The following ATP2C1 variants were observed in gnomAD, a reference collection of about 807,000 sequenced individuals.
ATP2C1 encodes calcium-transporting ATPase type 2C member 1.
ATP2C1 carries 31 observed loss-of-function variants against 120.5 expected under a neutral mutation model. The ratio of observed to expected loss-of-function variants is 0.26; its 90% CI spans 0.19 to 0.35. The LOEUF is 0.35. Among genes scored for constraint, ATP2C1 ranks in the 10% least tolerant of loss-of-function variants. ATP2C1 has a pLI of 1.00. For missense variants in ATP2C1, 731 were observed against 1,107.5 expected, an observed-to-expected ratio of 0.66 and a Z score of 4.83; for synonymous variants, 351 against 358.7, an observed-to-expected ratio of 0.98 and a Z score of 0.24.
chr3:130,930,273 A>T (rs577704013), intron 2 of ATP2C1, 143 bp from the exon 3 acceptor site: 4 of 693,124 alleles, frequency 5.8e-6, no homozygotes, highest in Admixed American at 2.0e-5. Flanking sequence ...TGTCTTTCCT[A>T]TTAGGACTAG....
At chr3:130,947,830 A>C (rs2060215094) in intron 8 of ATP2C1, among the ~76,000 whole-genome samples, 1 of 151,688 alleles carries the variant, frequency 6.6e-6, no homozygotes, top group African/African-American at 2.4e-5. Flanking sequence ...ATTCCCTCAA[A>C]TTATTTTCTG....
At chr3:130,920,588 TAATATA>T (rs1047592073) in intron 2 of ATP2C1, among the ~76,000 whole-genome samples, 2 of 152,194 alleles carry the variant, frequency 1.3e-5, no homozygotes, top group African/African-American at 4.8e-5. Context: ...TTTGTAATAT[TAATATA>T]TTTTGAAATC....
chr3:130,894,733 T>G lies in ATP2C1; in HGVS notation c.-37T>G, dbSNP rs1459172629. 1 of 1,614,116 alleles carries G rather than the reference T, an allele frequency of 6.2e-7. No individual in the cohort carries two copies. Among genetic ancestry groups the G allele is most frequent in the South Asian group, 1.1e-5 (1 of 91,080 alleles). ...TGTGGCCGTGGCTGACACTAAAGAC[T>G]TTGTAGCCATCAACCCGAGTGCAGT... On this transcript the variant is annotated 5_prime_UTR_variant, in exon 2 of 28. Coordinates refer to ENST00000510168, the MANE Select transcript of ATP2C1 (RefSeq NM_001378687.1). The surrounding 1 kb of genome is among the most constrained non-coding windows in gnomAD (Gnocchi z 4.5).
In ATP2C1 at chr3:130,932,010, A is replaced by T; in HGVS notation, c.118-12A>T. 1 of 1,534,414 alleles carries T rather than the reference A, an allele frequency of 6.5e-7. No homozygotes were observed. Among genetic ancestry groups the T allele is most frequent in the South Asian group, 1.1e-5 (1 of 89,520 alleles). ...AACATTTTCAATAACTTTCATGTATAAACTCTAATAGGCTGATCTTCAGAA... is the reference window on the plus strand; with the variant it reads ...AACATTTTCAATAACTTTCATGTATTAACTCTAATAGGCTGATCTTCAGAA... On this transcript the variant is annotated splice_polypyrimidine_tract_variant and intron_variant, in intron 3 of 27. Transcript: ENST00000510168.
chr3:131,001,244 C>T lies in ATP2C1; in HGVS notation c.2654C>T (p.Thr885Ile), dbSNP rs1242607370. ...ILDLLFLLGL[T>I]SSVCIVAEII... is the part of the protein sequence containing the mutation. ...GATCTGTTGTTTCTTTTGGGTCTCA[C>T]CTCATCAGTGTGCATAGTGGCAGAA... Residue 885 changes from threonine (T) to isoleucine (I), a missense_variant, in exon 28 of 28, where the codon ACC becomes ATC. Around this residue, in one of 3 missense-constraint regions of ATP2C1, gnomAD observed 141 missense variants for 201.6 expected, o/e 0.70. Coordinates refer to ENST00000510168, the MANE Select transcript of ATP2C1 (RefSeq NM_001378687.1). The T allele has an allele frequency of 6.2e-7, 1 of 1,613,634 alleles. No individual in the cohort carries two copies. Among genetic ancestry groups the T allele is most frequent in the South Asian group, 1.1e-5 (1 of 91,086 alleles).
At chr3:130,970,272 CAG>C (rs1266522370) in intron 17 of ATP2C1, among the ~76,000 whole-genome samples, 8 of 151,666 alleles carry the variant, frequency 5.3e-5, no homozygotes, top group Admixed American at 2.0e-4. Context: ...GAGGCTGAGA[CAG>C]GGGAATTGTT....
intron 20 of ATP2C1, among the ~76,000 whole-genome samples, chr3:130,990,305 A>T (rs867124952): frequency 1.9e-4 from 26 of 135,188 alleles, no homozygotes; most frequent in African/African-American, 6.6e-4. Context: ...CAAAATTTGA[A>T]TGATAAGAGA....
At chr3:130,927,499 C>A (rs141137565) in intron 2 of ATP2C1, among the ~76,000 whole-genome samples, 10 of 152,226 alleles carry the variant, frequency 6.6e-5, no homozygotes, top group Non-Finnish European at 1.2e-4. Flanking sequence ...CTTCAGCCTC[C>A]CAAAGTGCTG....
At chr3:130,927,977 A>G (rs559899473) in intron 2 of ATP2C1, 1 of 153,732 alleles carries the variant, frequency 6.5e-6, no homozygotes, top group African/African-American at 2.4e-5. Context: ...TTATGTTCCC[A>G]TTTTCTGTCT....
chr3:130,850,732 C>A, exon 1 of ATP2C1: 1 of 575,172 alleles, frequency 1.7e-6, no homozygotes, highest in South Asian at 2.9e-5. Flanking sequence ...ACAAACAAAT[C>A]TTTAGGCATC....
At chr3:130,958,911 T>C (rs1262186765) in intron 11 of ATP2C1, among the ~76,000 whole-genome samples, 1 of 152,196 alleles carries the variant, frequency 6.6e-6, no homozygotes, top group Admixed American at 6.5e-5. Flanking sequence ...AGAAGACCTA[T>C]ATGTTTGCTG....
chr3:130,993,175 G>A (rs551814746), intron 21 of ATP2C1, among the ~76,000 whole-genome samples, 174 bp downstream of exon 21: 17 of 151,552 alleles, frequency 1.1e-4, no homozygotes, highest in African/African-American at 4.1e-4. Context: ...GAATTTAGTT[G>A]GCATAAGATG....
In ATP2C1 at chr3:130,894,629, G is replaced by T. The variant is rs896240267; in HGVS notation, c.-141G>T. On this transcript the variant is annotated 5_prime_UTR_variant, in exon 2 of 28. Coordinates refer to ENST00000510168, the MANE Select transcript of ATP2C1 (RefSeq NM_001378687.1). This position sits in a 1 kb window ranked among gnomAD's most constrained non-coding sequence, Gnocchi z 4.5. ...GGTGGTGGGAGCAGCCGTGGGACGC[G>T]TGGCCGGGAGCGGGGGTGACAGCCT... The T allele has an allele frequency of 2.5e-6, 4 of 1,596,160 alleles. No homozygotes were observed. The Admixed American group carries it at 6.9e-5, about 27-fold the overall frequency.
chr3:131,000,860 C>G (rs2760265), intron 27 of ATP2C1, among the ~76,000 whole-genome samples: 1 of 151,958 alleles, frequency 6.6e-6, no homozygotes, highest in African/African-American at 2.4e-5. Flanking sequence ...CCCAATACTT[C>G]GGGAGGCTGA....
At chr3:131,007,485 T>C (rs1244990170), downstream of ATP2C1, among the ~76,000 whole-genome samples, 2 of 152,338 alleles carry the variant, frequency 1.3e-5, no homozygotes, top group Admixed American at 6.5e-5. Context: ...ATTGCTCTAC[T>C]TAATAACCCT....
chr3:130,959,168 T>C (rs1384596390), intron 11 of ATP2C1, 107 bp from the exon 12 acceptor site: 4 of 773,270 alleles, frequency 5.2e-6, no homozygotes, highest in South Asian at 4.4e-5. Context: ...TGATCTGATA[T>C]GCTTTCCCTT....
chr3:130,875,892 T>G (rs1216705527), intron 1 of ATP2C1, among the ~76,000 whole-genome samples: 1 of 152,124 alleles, frequency 6.6e-6, no homozygotes, highest in Non-Finnish European at 1.5e-5. Context: ...TGTTTTTTTT[T>G]TTTATGTACT....
chr3:130,993,782 T>A (rs912692038), intron 21 of ATP2C1, 150 bp from the exon 22 acceptor site: 7 of 789,202 alleles, frequency 8.9e-6, no homozygotes, highest in Non-Finnish European at 1.5e-5. Context: ...GAGATCTCCA[T>A]TTGTTGAAGT....
intron 26 of ATP2C1, chr3:131,014,146 T>G (rs1324245571): frequency 2.5e-6 from 4 of 1,613,900 alleles, no homozygotes; most frequent in Middle Eastern, 1.6e-4. Flanking sequence ...CAACACTTGG[T>G]GTGTGCAGTG....
Sources: gnomAD v4.1 joint callset for allele counts (sites outside exome capture counted in the v4.1 genomes callset) on GRCh38, gnomAD v4.1.1 for gene constraint, gnomAD v4.1.1 regional missense constraint, Gnocchi (gnomAD v3.1) non-coding constraint, MANE v1.5 for transcripts, NCBI Gene and HGNC (gene_info 2026-07-23, HGNC 2026-07-21) for gene names.